The following CMTM7 variants were observed in gnomAD, a reference collection of about 807,000 sequenced individuals.
The protein encoded by CMTM7 is CKLF like MARVEL transmembrane domain containing 7, also known as CKLF-like MARVEL transmembrane domain-containing protein 7.
Under a neutral mutation model 19.3 loss-of-function variants are expected in CMTM7, and 7 were observed. That is an observed-to-expected ratio of 0.36 (90% CI 0.21 to 0.68). CMTM7 has a LOEUF of 0.68. Ranked by LOEUF, CMTM7 falls within the 30% of genes least tolerant of loss-of-function variation. The probability of loss-of-function intolerance (pLI) is 0.60; values close to 1 mark genes in which losing one functional copy is unlikely to be tolerated. For missense variants in CMTM7, 193 were observed against 232.6 expected (o/e 0.83, Z 1.11); for synonymous variants, 87 against 99.3 (o/e 0.88, Z 0.74).
chr3:32,412,480 GACACACACACACACACACACACACACAC>G (rs3081435), intron 1 of CMTM7, among the ~76,000 whole-genome samples: 11,365 of 120,424 alleles, frequency 0.094, 640 homozygotes, highest in Admixed American at 0.13. Flanking sequence ...GATTGAGACT[GACACACACACACACACACACACACACAC>G]ACACACACAC....
intron 2 of CMTM7, among the ~76,000 whole-genome samples, chr3:32,443,418 T>A (rs164222): frequency 0.76 from 115,580 of 152,082 alleles, 44,280 homozygotes; most frequent in Non-Finnish European, 0.79. Context: ...ATAACCAAAT[T>A]TTATTCCATT....
intron 1 of CMTM7, among the ~76,000 whole-genome samples, chr3:32,401,511 G>A (rs1696002970): frequency 6.6e-6 from 1 of 152,240 alleles, no homozygotes; most frequent in Non-Finnish European, 1.5e-5. Context: ...CCAGGACCCT[G>A]GAATCCTAGG....
intron 1 of CMTM7, among the ~76,000 whole-genome samples, chr3:32,397,452 G>A (rs1575106879): frequency 1.3e-5 from 2 of 151,922 alleles, no homozygotes; most frequent in Admixed American, 6.6e-5. Context: ...TTATTAACTC[G>A]GGCCGGGTGT....
chr3:32,408,961 C>A (rs1390698566), intron 1 of CMTM7, among the ~76,000 whole-genome samples: 1 of 151,956 alleles, frequency 6.6e-6, no homozygotes, highest in Admixed American at 6.6e-5. Context: ...TGGCTCACTG[C>A]AACTTCCACC....
chr3:32,439,578 C>T (rs342734), intron 1 of CMTM7, among the ~76,000 whole-genome samples: 71,121 of 152,068 alleles, frequency 0.47, 16,818 homozygotes, highest in South Asian at 0.56. Flanking sequence ...CTCAGCCTCC[C>T]AAGTTGCTGA....
At chr3:32,454,110 A>T in intron 4 of CMTM7, 131 bp from the exon 5 acceptor site, 1 of 961,508 alleles carries the variant, frequency 1.0e-6, no homozygotes, top group Non-Finnish European at 1.6e-6. Flanking sequence ...GAATAATCTC[A>T]GTGCAAGTCG....
chr3:32,416,402 C>T (rs1429441178), intron 1 of CMTM7, among the ~76,000 whole-genome samples: 1 of 66,196 alleles, frequency 1.5e-5, no homozygotes, highest in African/African-American at 6.4e-5. Context: ...TTTTTTGAGA[C>T]GGAGTCTCGC....
intron 3 of CMTM7, among the ~76,000 whole-genome samples, chr3:32,450,085 C>T (rs1315860632): frequency 6.6e-6 from 1 of 152,122 alleles, no homozygotes; most frequent in African/African-American, 2.4e-5. Context: ...TACAAAAATA[C>T]AGTCCTGTGA....
At chr3:32,426,069 T>C (rs796972) in intron 1 of CMTM7, among the ~76,000 whole-genome samples, 2 of 152,130 alleles carry the variant, frequency 1.3e-5, no homozygotes, top group Admixed American at 6.5e-5. Context: ...CGCTTGAACC[T>C]GGGAGGCAGA....
At chr3:32,417,751 G>C (rs1696288552) in intron 1 of CMTM7, among the ~76,000 whole-genome samples, 1 of 151,800 alleles carries the variant, frequency 6.6e-6, no homozygotes, top group East Asian at 1.9e-4. Context: ...TCTAGTTTGG[G>C]TTTTGCTTAA....
chr3:32,398,041 C>T (rs955729982), intron 1 of CMTM7, among the ~76,000 whole-genome samples: 3 of 152,136 alleles, frequency 2.0e-5, no homozygotes, highest in Non-Finnish European at 2.9e-5. Context: ...GGCTCATTTA[C>T]CCCTTTGGTG....
At chr3:32,425,869 G>A (rs1287286805) in intron 1 of CMTM7, among the ~76,000 whole-genome samples, 1 of 152,136 alleles carries the variant, frequency 6.6e-6, no homozygotes. Context: ...GATTTGGCTG[G>A]GTGTGGTGGC....
chr3:32,430,351 T>G (rs562920270), intron 1 of CMTM7, among the ~76,000 whole-genome samples: 6 of 152,312 alleles, frequency 3.9e-5, no homozygotes, highest in African/African-American at 1.4e-4. Flanking sequence ...GCCATCCCCA[T>G]TCTGCTTATG....
chr3:32,423,978 C>A (rs1405587035), intron 1 of CMTM7, among the ~76,000 whole-genome samples: 1 of 152,220 alleles, frequency 6.6e-6, no homozygotes, highest in Non-Finnish European at 1.5e-5. Flanking sequence ...ACCTTTTTCT[C>A]TTTAAGTGCT....
At chr3:32,432,002 C>T (rs1457895021) in intron 1 of CMTM7, among the ~76,000 whole-genome samples, 1 of 152,228 alleles carries the variant, frequency 6.6e-6, no homozygotes, top group Non-Finnish European at 1.5e-5. Flanking sequence ...CAAGCTCAAA[C>T]CACCGAGTTG....
intron 1 of CMTM7, among the ~76,000 whole-genome samples, chr3:32,425,397 T>C (rs531894629): frequency 3.5e-4 from 54 of 152,120 alleles, no homozygotes; most frequent in African/African-American, 1.3e-3. Context: ...GTGGGAAACA[T>C]GAGCTCCTAA....
chr3:32,447,685 C>T (rs1030414202), intron 2 of CMTM7, among the ~76,000 whole-genome samples: 2 of 152,094 alleles, frequency 1.3e-5, no homozygotes, highest in Non-Finnish European at 2.9e-5. Flanking sequence ...AAATGTCCCT[C>T]TTTATTTCTA....
intron 1 of CMTM7, among the ~76,000 whole-genome samples, chr3:32,398,419 A>T (rs1470184101): frequency 6.6e-6 from 1 of 152,150 alleles, no homozygotes; most frequent in African/African-American, 2.4e-5. Flanking sequence ...ACCTACTGTG[A>T]TCAGCTAACT....
intron 1 of CMTM7, among the ~76,000 whole-genome samples, chr3:32,418,065 A>T (rs1045204590): frequency 1.3e-5 from 2 of 152,164 alleles, no homozygotes; most frequent in Admixed American, 1.3e-4. Flanking sequence ...TAAGAGCTCC[A>T]CCTGCGTCAG....
Sources: gnomAD v4.1 joint callset for allele counts (sites outside exome capture counted in the v4.1 genomes callset) on GRCh38, gnomAD v4.1.1 for gene constraint, MANE v1.5 for transcripts, NCBI Gene and HGNC (gene_info 2026-07-23, HGNC 2026-07-21) for gene names.